SHISAL1: variants seen among roughly 807,000 people sequenced by gnomAD.
SHISAL1 encodes the protein protein shisa-like-1.
SHISAL1 carries 9 observed loss-of-function variants against 22.6 expected under a neutral mutation model. That is an observed-to-expected ratio of 0.40 (90% CI 0.24 to 0.70). The LOEUF is 0.70. Ranked by LOEUF, SHISAL1 falls within the 30% of genes least tolerant of loss-of-function variation. The probability of loss-of-function intolerance (pLI) is 0.39; values close to 1 mark genes in which losing one functional copy is unlikely to be tolerated. For synonymous variants in SHISAL1, 119 were observed against 115.4 expected (o/e 1.03, Z -0.20); for missense variants, 246 against 270.6 (o/e 0.91, Z 0.64).
chr22:44,317,418 G>T (rs1001099416), upstream of SHISAL1, among the ~76,000 whole-genome samples: 4 of 152,222 alleles, frequency 2.6e-5, no homozygotes, highest in African/African-American at 9.7e-5. Context: ...AAAGGTGGTA[G>T]GAAGTGGCTC....
At chr22:44,254,152 A>G (rs1234981951) in intron 4 of SHISAL1, among the ~76,000 whole-genome samples, 2 of 152,144 alleles carry the variant, frequency 1.3e-5, no homozygotes, top group Non-Finnish European at 2.9e-5. Context: ...CAGCCGAGCC[A>G]ATGCTAAGAG....
At chr22:44,257,180 C>T (rs2055090298) in intron 4 of SHISAL1, among the ~76,000 whole-genome samples, 1 of 152,240 alleles carries the variant, frequency 6.6e-6, no homozygotes, top group Admixed American at 6.5e-5. Flanking sequence ...CAGATGCCCA[C>T]ATCCTCTGAC....
intron 4 of SHISAL1, among the ~76,000 whole-genome samples, chr22:44,273,777 C>T (rs1323000757): frequency 6.6e-6 from 1 of 151,834 alleles, no homozygotes; most frequent in Non-Finnish European, 1.5e-5. Context: ...GGAACTGAAA[C>T]GTGGGGGATA....
the SHISAL1 span, among the ~76,000 whole-genome samples, chr22:44,326,242 A>C: frequency 6.6e-6 from 1 of 152,086 alleles, no homozygotes; most frequent in Non-Finnish European, 1.5e-5. Context: ...TTATGGAAGG[A>C]ATTTGCCTTT....
chr22:44,259,720 C>A, intron 4 of SHISAL1, among the ~76,000 whole-genome samples: 1 of 152,102 alleles, frequency 6.6e-6, no homozygotes, highest in East Asian at 1.9e-4. Flanking sequence ...AGGAGATGAC[C>A]CAAGGTTCTG....
chr22:44,285,823 T>A, intron 3 of SHISAL1, 78 bp from the exon 4 acceptor site: 1 of 1,213,900 alleles, frequency 8.2e-7, no homozygotes, highest in Non-Finnish European at 1.2e-6. Context: ...TGGGGCTGAT[T>A]AGAGAATGTG....
intron 4 of SHISAL1, among the ~76,000 whole-genome samples, chr22:44,258,488 G>A (rs1166577335): frequency 6.6e-6 from 1 of 152,092 alleles, no homozygotes; most frequent in Non-Finnish European, 1.5e-5. Context: ...GCCTCCAGTG[G>A]GCCCTAGTGT....
the SHISAL1 span, among the ~76,000 whole-genome samples, chr22:44,318,940 C>T: frequency 8.5e-5 from 13 of 152,312 alleles, no homozygotes; most frequent in South Asian, 8.3e-4. Flanking sequence ...CTCCAGGATG[C>T]GGCGCTGGCC....
intron 4 of SHISAL1, among the ~76,000 whole-genome samples, chr22:44,265,916 G>A (rs2055158329): frequency 2.6e-5 from 4 of 152,192 alleles, no homozygotes; most frequent in Admixed American, 2.0e-4. Context: ...GCCTCTGGGG[G>A]TTCCCTGGCA....
At chr22:44,309,487 A>G (rs2055502976) in intron 1 of SHISAL1, among the ~76,000 whole-genome samples, 1 of 152,074 alleles carries the variant, frequency 6.6e-6, no homozygotes, top group Non-Finnish European at 1.5e-5. Flanking sequence ...ACGGTGCCCA[A>G]TGCTCCCCAT....
intron 4 of SHISAL1, among the ~76,000 whole-genome samples, chr22:44,278,492 G>C (rs569347118): frequency 2.6e-5 from 4 of 152,360 alleles, no homozygotes; most frequent in South Asian, 2.1e-4. Context: ...AGGAAACTGC[G>C]ACTGTCCCTT....
At chr22:44,268,251 C>CT (rs1250745812) in intron 4 of SHISAL1, among the ~76,000 whole-genome samples, 2 of 152,194 alleles carry the variant, frequency 1.3e-5, no homozygotes, top group South Asian at 2.1e-4. Context: ...AGATGCTGTC[C>CT]TTTTCATCGA....
intron 4 of SHISAL1, among the ~76,000 whole-genome samples, chr22:44,256,163 C>T (rs1311752045): frequency 6.7e-6 from 1 of 148,762 alleles, no homozygotes; most frequent in Non-Finnish European, 1.5e-5. Flanking sequence ...GTGGAACTCA[C>T]ACCATCGGCT....
chr22:44,267,948 C>A (rs998798401), intron 4 of SHISAL1, among the ~76,000 whole-genome samples: 1 of 152,230 alleles, frequency 6.6e-6, no homozygotes, highest in Non-Finnish European at 1.5e-5. Context: ...TGGGAGTCTC[C>A]GAAGGGCTGG....
At position 44,293,568 on chromosome 22, in the gene SHISAL1, T is replaced by G. The variant is rs137911067; in HGVS notation, c.281+3104A>C. Reference sequence around the variant, plus strand: ...CTCCGCTCAGGGGGCCTCTCCTCAGTAGGATCTGCCTCTGTTGGTAGAAGC... The same window carrying G: ...CTCCGCTCAGGGGGCCTCTCCTCAGGAGGATCTGCCTCTGTTGGTAGAAGC... On this transcript the variant is annotated intron_variant, in intron 3 of 4. Coordinates refer to ENST00000381176, the MANE Select transcript of SHISAL1 (RefSeq NM_001099294.2). Among the ~76,000 whole-genome samples, 151 of 152,272 alleles carry G rather than the reference T, an allele frequency of 9.9e-4. 2 individuals carry two copies. In the East Asian group the frequency reaches 0.026, roughly 26 times the overall value.
chr22:44,301,188 T>G (rs1374466777), intron 1 of SHISAL1, among the ~76,000 whole-genome samples: 1 of 152,232 alleles, frequency 6.6e-6, no homozygotes, highest in Non-Finnish European at 1.5e-5. Flanking sequence ...CACCTCCTTT[T>G]CTTTTCATGG....
chr22:44,289,533 G>A (rs1379546363), intron 3 of SHISAL1, among the ~76,000 whole-genome samples: 6 of 150,988 alleles, frequency 4.0e-5, no homozygotes, highest in Non-Finnish European at 8.8e-5. Flanking sequence ...CCAGCTTGCT[G>A]CAATTGACAC....
intron 4 of SHISAL1, among the ~76,000 whole-genome samples, chr22:44,259,642 A>G (rs2055108735): frequency 6.6e-6 from 1 of 152,170 alleles, no homozygotes; most frequent in Non-Finnish European, 1.5e-5. Context: ...ACATTCTCAC[A>G]TGCCAAGGGG....
intron 4 of SHISAL1, among the ~76,000 whole-genome samples, chr22:44,281,291 G>A (rs565804372): frequency 3.3e-5 from 5 of 152,272 alleles, no homozygotes; most frequent in Non-Finnish European, 4.4e-5. Flanking sequence ...GGTTCTGGTC[G>A]GGGGAGCTGC....
Sources: gnomAD v4.1 joint callset for allele counts (sites outside exome capture counted in the v4.1 genomes callset) on GRCh38, gnomAD v4.1.1 for gene constraint, MANE v1.5 for transcripts, NCBI Gene and HGNC (gene_info 2026-07-23, HGNC 2026-07-21) for gene names.